PAK1IP1: variants seen among roughly 807,000 people sequenced by gnomAD.
The protein encoded by PAK1IP1 is PAK1 interacting protein 1, also known as p21-activated protein kinase-interacting protein 1.
Under a neutral mutation model 42.0 loss-of-function variants are expected in PAK1IP1, and 24 were observed. That is an observed-to-expected ratio of 0.57 (90% CI 0.41 to 0.80). PAK1IP1 has a LOEUF of 0.80. Ranked by LOEUF, PAK1IP1 falls within the 30% of genes least tolerant of loss-of-function variation. The pLI, the probability that PAK1IP1 is intolerant of heterozygous loss-of-function variation, is 0.00. For missense variants in PAK1IP1, 411 were observed against 467.9 expected (o/e 0.88, Z 1.12); for synonymous variants, 154 against 156.7 (o/e 0.98, Z 0.13).
At chr6:10,691,658 CT>C (rs1769321976), upstream of PAK1IP1, among the ~76,000 whole-genome samples, 1 of 152,062 alleles carries the variant, frequency 6.6e-6, no homozygotes, top group South Asian at 2.1e-4. Context: ...GTCTCCCTCC[CT>C]TAAAATCCTA....
intron 1 of PAK1IP1, 21 bp downstream of exon 1, chr6:10,695,090 A>G (rs767328103): frequency 4.6e-6 from 7 of 1,523,528 alleles, no homozygotes; most frequent in Non-Finnish European, 6.3e-6. Context: ...GCGTAGTTAG[A>G]GACAGTCGGA....
chr6:10,704,862 T>C lies in PAK1IP1; in HGVS notation c.740+18T>C. 7.0e-7 allele frequency: 1 copy of C among 1,418,940 alleles called. No individual in the cohort carries two copies. 87.9% of individuals were successfully genotyped at this position (1,418,940 alleles called of 1,614,324 possible). A position where few individuals can be genotyped will look rare whatever the true frequency, so the allele number is the denominator to read the frequency against. On this transcript the variant is annotated intron_variant, in intron 7 of 9. Transcript: ENST00000379568. ...GAAAACAGGTATTTTTACCAATCTT[T>C]GGTGTATATGTCTAGTCTTAATAAA...
upstream of PAK1IP1, chr6:10,694,799 A>G: frequency 1.8e-6 from 1 of 554,622 alleles, no homozygotes; most frequent in Non-Finnish European, 3.2e-6. Flanking sequence ...TGGAAAATCC[A>G]TGTGACCTCC....
intron 2 of PAK1IP1, among the ~76,000 whole-genome samples, chr6:10,699,768 G>A (rs182417688): frequency 5.3e-5 from 8 of 152,262 alleles, no homozygotes; most frequent in Admixed American, 3.9e-4. Flanking sequence ...AATTTGCAGC[G>A]ATAAATGGCT....
chr6:10,694,628 C>CGTA, upstream of PAK1IP1: 83 of 195,942 alleles, frequency 4.2e-4, no homozygotes, highest in South Asian at 2.1e-3. Context: ...GCCCCACCTC[C>CGTA]TCCTGATGTC....
At chr6:10,708,141 A>G (rs1370493133) in intron 8 of PAK1IP1, among the ~76,000 whole-genome samples, 1 of 149,478 alleles carries the variant, frequency 6.7e-6, no homozygotes, top group Non-Finnish European at 1.5e-5. Flanking sequence ...GAATATTTTC[A>G]TCACACCAAA....
upstream of PAK1IP1, chr6:10,694,590 C>CTCTGTGT: frequency 5.8e-6 from 1 of 172,406 alleles, no homozygotes; most frequent in Non-Finnish European, 1.3e-5. Flanking sequence ...GCCGGCGCTA[C>CTCTGTGT]AGCCCCTAAG....
At chr6:10,693,754 G>T (rs1192708500), upstream of PAK1IP1, among the ~76,000 whole-genome samples, 2 of 152,016 alleles carry the variant, frequency 1.3e-5, no homozygotes, top group African/African-American at 4.8e-5. Flanking sequence ...CTTTGAAAGG[G>T]GGCCTGGCTC....
intron 1 of PAK1IP1, among the ~76,000 whole-genome samples, chr6:10,696,655 C>T (rs920565223): frequency 6.6e-6 from 1 of 152,192 alleles, no homozygotes; most frequent in Non-Finnish European, 1.5e-5. Flanking sequence ...CTTTATAAGA[C>T]TTGTCCACTG....
chr6:10,696,124 T>A (rs1769828976), intron 1 of PAK1IP1, among the ~76,000 whole-genome samples: 1 of 152,174 alleles, frequency 6.6e-6, no homozygotes, highest in African/African-American at 2.4e-5. Context: ...ACACAGATAA[T>A]AATTGACACA....
upstream of PAK1IP1, among the ~76,000 whole-genome samples, chr6:10,690,986 TA>T (rs1769243077): frequency 6.6e-6 from 1 of 152,198 alleles, no homozygotes; most frequent in Admixed American, 6.5e-5. Flanking sequence ...CAGCCATGCA[TA>T]AAATGAAATG....
chr6:10,708,666 T>C (rs1770280726), intron 8 of PAK1IP1, among the ~76,000 whole-genome samples: 1 of 152,088 alleles, frequency 6.6e-6, no homozygotes, highest in African/African-American at 2.4e-5. Context: ...TATCTCCTGA[T>C]GCTATTCCTC....
At chr6:10,693,011 T>C (rs1247846526), upstream of PAK1IP1, among the ~76,000 whole-genome samples, 1 of 152,240 alleles carries the variant, frequency 6.6e-6, no homozygotes, top group East Asian at 1.9e-4. Flanking sequence ...TCATAAATGT[T>C]AGAAACAATA....
intron 2 of PAK1IP1, among the ~76,000 whole-genome samples, chr6:10,698,307 G>A (rs561452486): frequency 4.1e-5 from 6 of 146,738 alleles, no homozygotes; most frequent in East Asian, 4.0e-4. Flanking sequence ...AAGATGTAGC[G>A]TCATAGCAAT....
Position 10,697,464 on chromosome 6 carries a change from T to C in PAK1IP1, c.225T>C (p.His75=). 1 of 1,613,906 alleles carries C rather than the reference T, an allele frequency of 6.2e-7. No individual in the cohort carries two copies. The highest frequency in any genetic ancestry group is 8.5e-7 in the Non-Finnish European group (1 of 1,179,768). ...HIYDMKKKIE[H]GALVHHSGTI... is the part of the protein sequence containing the mutation. ...ATGACATGAAAAAGAAGATTGAGCA[T>C]GGGGCTCTAGTGCATCACAGTGGTA... is the stretch of plus-strand genomic sequence containing the variant. Residue 75 remains histidine, a synonymous_variant, in exon 2 of 10, where the codon CAT becomes CAC. Coordinates refer to ENST00000379568, the MANE Select transcript of PAK1IP1 (RefSeq NM_017906.3).
chr6:10,707,623 T>C lies in PAK1IP1; in HGVS notation c.840+109T>C, dbSNP rs2127481951. 4.5e-6 allele frequency: 3 copies of C among 673,232 alleles called. No individual in the cohort carries two copies. In the South Asian group the frequency reaches 5.4e-5, roughly 12 times the overall value. 41.7% of individuals were successfully genotyped at this position (673,232 alleles called of 1,614,324 possible). ...CATAGGTCTTTAAACTTTTTAAATC[T>C]CTTCCAGGCATGATTGATATTAATG... On this transcript the variant is annotated intron_variant, in intron 8 of 9. Coordinates refer to ENST00000379568, the MANE Select transcript of PAK1IP1 (RefSeq NM_017906.3).
At chr6:10,700,256 C>T (rs1269822851) in intron 2 of PAK1IP1, among the ~76,000 whole-genome samples, 1 of 152,018 alleles carries the variant, frequency 6.6e-6, no homozygotes, top group African/African-American at 2.4e-5. Context: ...ACGGGTCTAA[C>T]CATGTTGGCC....
In PAK1IP1 at chr6:10,708,942, C is replaced by T. The variant is rs375726980; in HGVS notation, c.841-11C>T. On this transcript the variant is annotated splice_polypyrimidine_tract_variant and intron_variant, in intron 8 of 9. Transcript: ENST00000379568. ...AAATGCACATTATGAATGTTTGTTT[C>T]TTCTGTTTAGAAAGTTCCCCCATCT... 3.8e-6 allele frequency: 6 copies of T among 1,588,004 alleles called. No homozygotes were observed. Among genetic ancestry groups the T allele is most frequent in the Non-Finnish European group, 4.3e-6 (5 of 1,167,648 alleles).
chr6:10,697,572 T>C lies in PAK1IP1; in HGVS notation c.247+86T>C, dbSNP rs577312688. 167 of 1,043,880 alleles carry C rather than the reference T, an allele frequency of 1.6e-4. 1 individual carries two copies. The African/African-American group carries it at 2.4e-3, about 15-fold the overall frequency. The allele number at this position is 1,043,880 out of a possible 1,614,324, so 64.7% of individuals were successfully genotyped here. ...GTTGAACAATTTGTTGTATCTATTT[T>C]ATAGCAGATTCTTTGCTAGAAGATA... On this transcript the variant is annotated intron_variant, in intron 2 of 9. Coordinates refer to ENST00000379568, the MANE Select transcript of PAK1IP1 (RefSeq NM_017906.3).
Sources: gnomAD v4.1 joint callset for allele counts (sites outside exome capture counted in the v4.1 genomes callset) on GRCh38, gnomAD v4.1.1 for gene constraint, MANE v1.5 for transcripts, NCBI Gene and HGNC (gene_info 2026-07-23, HGNC 2026-07-21) for gene names.